Variants in SLC20A2 observed in about 807,000 individuals in gnomAD.
SLC20A2 encodes the protein sodium-dependent phosphate transporter 2.
In SLC20A2, 30 loss-of-function variants were observed where a neutral mutation model predicts 61.0. That is an observed-to-expected ratio of 0.49 (90% confidence interval 0.37 to 0.67). SLC20A2 has a LOEUF of 0.67. SLC20A2 is among the 30% of genes least tolerant of loss of function. The pLI is 0.00. For missense variants in SLC20A2, 626 were observed against 866.4 expected (o/e 0.72, Z 3.48); for synonymous variants, 351 against 353.3 (o/e 0.99, Z 0.07).
chr8:42,511,658 T>G (rs551824196), intron 1 of SLC20A2, among the ~76,000 whole-genome samples: 15 of 150,560 alleles, frequency 1.0e-4, no homozygotes, highest in African/African-American at 3.7e-4. Context: ...ACTGTTAGGG[T>G]AAGCAGTTCA....
chr8:42,452,939 G>A (rs945674148), intron 5 of SLC20A2, among the ~76,000 whole-genome samples: 3 of 152,174 alleles, frequency 2.0e-5, no homozygotes, highest in African/African-American at 4.8e-5. Context: ...GGTAAGAGAC[G>A]TGCCTAGAGC....
chr8:42,515,624 C>T (rs964612374), intron 1 of SLC20A2, among the ~76,000 whole-genome samples: 15 of 152,078 alleles, frequency 9.9e-5, no homozygotes, highest in Admixed American at 2.0e-4. Context: ...TTTGAATCCA[C>T]GAGGCTACCT....
chr8:42,485,642 C>CAAAA (rs941111189), intron 1 of SLC20A2, among the ~76,000 whole-genome samples: 4 of 27,834 alleles, frequency 1.4e-4, no homozygotes, highest in Non-Finnish European at 2.7e-4. Context: ...AACTCCGTCT[C>CAAAA]AAAAAAAAAA....
At chr8:42,452,068 G>A (rs1402231963) in intron 5 of SLC20A2, among the ~76,000 whole-genome samples, 5 of 94,698 alleles carry the variant, frequency 5.3e-5, no homozygotes, top group Admixed American at 1.2e-4. Context: ...GAAGAGGAGG[G>A]GGAGGAAGAG....
chr8:42,535,889 A>G (rs891511766), intron 1 of SLC20A2, among the ~76,000 whole-genome samples: 3 of 152,292 alleles, frequency 2.0e-5, no homozygotes, highest in African/African-American at 7.2e-5. Flanking sequence ...GTACATTCCT[A>G]GTTAAAGAAT....
chr8:42,497,957 C>T (rs1234868690), intron 1 of SLC20A2, among the ~76,000 whole-genome samples: 1 of 152,154 alleles, frequency 6.6e-6, no homozygotes, highest in African/African-American at 2.4e-5. Flanking sequence ...AGTAGACCTT[C>T]ATAATGCCTT....
chr8:42,540,294 A>T (rs1563561637), intron 1 of SLC20A2, among the ~76,000 whole-genome samples: 1 of 152,220 alleles, frequency 6.6e-6, no homozygotes, highest in Non-Finnish European at 1.5e-5. Context: ...CGTCTCAAAA[A>T]AAACAAAACA....
At chr8:42,515,499 C>G (rs925330193) in intron 1 of SLC20A2, among the ~76,000 whole-genome samples, 1 of 152,112 alleles carries the variant, frequency 6.6e-6, no homozygotes, top group Non-Finnish European at 1.5e-5. Flanking sequence ...CAGGTGCCGG[C>G]GCTGTGCTGA....
At chr8:42,462,971 T>C in intron 4 of SLC20A2, 34 bp downstream of exon 4, 1 of 1,358,634 alleles carries the variant, frequency 7.4e-7, no homozygotes, top group Non-Finnish European at 1.0e-6. Flanking sequence ...AAAATAGTTC[T>C]TAAGATTTAA....
At chr8:42,429,871 G>A (rs912128178) in intron 9 of SLC20A2, among the ~76,000 whole-genome samples, 193 bp downstream of exon 9, 1 of 152,176 alleles carries the variant, frequency 6.6e-6, no homozygotes, top group Non-Finnish European at 1.5e-5. Flanking sequence ...GCTGTGGCTG[G>A]GGGCCGGGCA....
At chr8:42,481,168 A>T (rs965422285) in intron 1 of SLC20A2, among the ~76,000 whole-genome samples, 1 of 152,198 alleles carries the variant, frequency 6.6e-6, no homozygotes, top group East Asian at 1.9e-4. Flanking sequence ...ACCTATAATT[A>T]AGCTTTTATT....
rs564650855 is a variant in SLC20A2 at position 42,527,327 on chromosome 8, G to A, written c.-265+14494C>T. Among the ~76,000 whole-genome samples the A allele has an allele frequency of 4.4e-4, 66 of 150,898 alleles. 1 individual carries two copies. Among genetic ancestry groups the A allele is most frequent in the Non-Finnish European group, 7.4e-4 (50 of 67,838 alleles). On this transcript the variant is annotated intron_variant, in intron 1 of 10. Coordinates refer to the SLC20A2 transcript ENST00000342228. ...GCTGAGCTTGCGGTGAGCCAAGATC[G>A]CACCATTGCACTCCAGCCTGGGCGA...
chr8:42,491,286 G>A (rs562693072), intron 1 of SLC20A2, among the ~76,000 whole-genome samples: 62 of 151,814 alleles, frequency 4.1e-4, no homozygotes, highest in African/African-American at 1.1e-3. Flanking sequence ...AGGCTGAGGC[G>A]GGCGATCACC....
intron 1 of SLC20A2, among the ~76,000 whole-genome samples, chr8:42,495,021 G>GT (rs1342806722): frequency 1.3e-5 from 2 of 149,654 alleles, no homozygotes; most frequent in Non-Finnish European, 3.0e-5. Flanking sequence ...TAATTTTTTT[G>GT]TATTTTTTTT....
In SLC20A2 at chr8:42,509,152, C is replaced by T. The variant is rs183707563; in HGVS notation, c.-265+32669G>A. ...CATATGTTTATGCATACACAGCAAA[C>T]AGTTATATAGATATAGATAGGCATG... On this transcript the variant is annotated intron_variant, in intron 1 of 10. Transcript: ENST00000342228. Among the ~76,000 whole-genome samples, 486 of 152,296 alleles carry T rather than the reference C, an allele frequency of 3.2e-3. 1 individual carries two copies. Among genetic ancestry groups the T allele is most frequent in the African/African-American group, 0.011 (471 of 41,564 alleles).
chr8:42,454,707 C>T (rs369039301), intron 5 of SLC20A2, among the ~76,000 whole-genome samples: 1 of 151,754 alleles, frequency 6.6e-6, no homozygotes. Context: ...GCCTTTACTC[C>T]CTTATACAGA....
chr8:42,527,261 G>A (rs751428710), intron 1 of SLC20A2, among the ~76,000 whole-genome samples: 11 of 151,702 alleles, frequency 7.3e-5, no homozygotes, highest in African/African-American at 9.7e-5. Context: ...AAAATTAGCC[G>A]GGTGTGGTGG....
intron 1 of SLC20A2, chr8:42,541,760 G>GGCCCCGCCCCGCGCCGCCC (rs967275356): frequency 3.4e-5 from 5 of 148,954 alleles, no homozygotes; most frequent in African/African-American, 4.9e-5. Flanking sequence ...CGCGTCACCC[G>GGCCCCGCCCCGCGCCGCCC]GCCCCGCCCC....
At chr8:42,436,084 C>G (rs550138406) in intron 8 of SLC20A2, among the ~76,000 whole-genome samples, 2 of 152,076 alleles carry the variant, frequency 1.3e-5, no homozygotes, top group African/African-American at 4.8e-5. Context: ...CCACTGCACT[C>G]CAGCCTGGGG....
Sources: gnomAD v4.1 joint callset for allele counts (sites outside exome capture counted in the v4.1 genomes callset) on GRCh38, gnomAD v4.1.1 for gene constraint, MANE v1.5 for transcripts, NCBI Gene and HGNC (gene_info 2026-07-23, HGNC 2026-07-21) for gene names.